The following TBX20 variants were observed in gnomAD, a reference collection of about 807,000 sequenced individuals.
TBX20 encodes the protein T-box transcription factor 20.
A neutral mutation model predicts 42.9 loss-of-function variants in TBX20; 8 were observed. The observed-to-expected ratio is 0.19, with a 90% CI of 0.11 to 0.34. The LOEUF (loss-of-function observed/expected upper bound fraction) is 0.34, where lower values mean the gene tolerates loss of function less well. Among genes scored for constraint, TBX20 ranks in the 10% least tolerant of loss-of-function variants. The probability of loss-of-function intolerance (pLI) is 1.00; values close to 1 mark genes in which losing one functional copy is unlikely to be tolerated. For missense variants in TBX20, 411 were observed against 566.0 expected, an observed-to-expected ratio of 0.73 and a Z score of 2.78; for synonymous variants, 198 against 222.8, an observed-to-expected ratio of 0.89 and a Z score of 0.99.
chr7:35,250,340 G>C (rs1000596882), intron 1 of TBX20, 137 bp from the exon 2 acceptor site: 1 of 1,060,338 alleles, frequency 9.4e-7, no homozygotes, highest in African/African-American at 1.6e-5. Context: ...AGGCTGTAGG[G>C]ATGACCCATC....
chr7:35,209,561 T>A (rs568880374), intron 6 of TBX20, among the ~76,000 whole-genome samples: 7 of 152,318 alleles, frequency 4.6e-5, no homozygotes, highest in Admixed American at 3.9e-4. Context: ...TTCCCTTATT[T>A]TCTTGGTCAG....
At chr7:35,226,651 A>G (rs1789776024) in intron 6 of TBX20, among the ~76,000 whole-genome samples, 2 of 152,176 alleles carry the variant, frequency 1.3e-5, no homozygotes, top group African/African-American at 4.8e-5. Flanking sequence ...CACATATATG[A>G]AAGTGGTCCC....
At chr7:35,237,508 T>G (rs1014090964) in intron 5 of TBX20, among the ~76,000 whole-genome samples, 13 of 152,010 alleles carry the variant, frequency 8.6e-5, no homozygotes, top group African/African-American at 3.1e-4. Flanking sequence ...TCAGGAGGCA[T>G]GCAACTTAGT....
intron 6 of TBX20, among the ~76,000 whole-genome samples, chr7:35,212,201 G>T (rs1386960236): frequency 1.3e-5 from 2 of 152,058 alleles, no homozygotes; most frequent in African/African-American, 4.8e-5. Flanking sequence ...GTGTCTATCT[G>T]CCACTAATCC....
At chr7:35,219,972 A>G (rs1448985704) in intron 6 of TBX20, among the ~76,000 whole-genome samples, 2 of 152,174 alleles carry the variant, frequency 1.3e-5, no homozygotes, top group African/African-American at 4.8e-5. Context: ...GACTCTTAGC[A>G]TGAATTTTGG....
At chr7:35,207,284 G>A (rs1341426446) in intron 6 of TBX20, among the ~76,000 whole-genome samples, 3 of 152,036 alleles carry the variant, frequency 2.0e-5, no homozygotes, top group East Asian at 3.9e-4. Context: ...ATCTTTTTCT[G>A]TGCTTATTTG....
intron 6 of TBX20, among the ~76,000 whole-genome samples, chr7:35,210,065 G>A (rs1166104289): frequency 6.6e-6 from 1 of 150,730 alleles, no homozygotes; most frequent in East Asian, 1.9e-4. Flanking sequence ...CTTTTGCGTA[G>A]TGTATACTTG....
chr7:35,226,238 G>A (rs937936441), intron 6 of TBX20, among the ~76,000 whole-genome samples: 29 of 151,986 alleles, frequency 1.9e-4, no homozygotes, highest in Middle Eastern at 3.4e-3. Context: ...ATCAAAGAAC[G>A]AGAGCAACAG....
chr7:35,206,328 A>G (rs2128709958), intron 6 of TBX20, among the ~76,000 whole-genome samples: 1 of 152,356 alleles, frequency 6.6e-6, no homozygotes, highest in East Asian at 1.9e-4. Flanking sequence ...CGGGTGGATC[A>G]CCCAAGGTCA....
chr7:35,232,495 G>A (rs577880558), intron 5 of TBX20, among the ~76,000 whole-genome samples: 1 of 152,278 alleles, frequency 6.6e-6, no homozygotes, highest in East Asian at 1.9e-4. Flanking sequence ...GGTCTTATCC[G>A]ACAGATAATC....
Position 35,253,851 on chromosome 7 carries a change from G to A in TBX20, c.-231C>T. The A allele has an allele frequency of 1.8e-6, 1 of 561,538 alleles. No individual in the cohort carries two copies. The highest frequency in any genetic ancestry group is 3.1e-6 in the Non-Finnish European group (1 of 321,860). 34.8% of individuals were successfully genotyped at this position (561,538 alleles called of 1,614,324 possible). On this transcript the variant is annotated 5_prime_UTR_variant, in exon 1 of 8. Coordinates refer to ENST00000408931, the MANE Select transcript of TBX20 (RefSeq NM_001077653.2). ...ACTTCGAAGGCAGCCGGAGAGGAGA[G>A]GGCCCACCGAGCACTACGGCGGGTG...
At chr7:35,231,966 G>A (rs192552362) in intron 5 of TBX20, among the ~76,000 whole-genome samples, 17 of 152,258 alleles carry the variant, frequency 1.1e-4, no homozygotes, top group Admixed American at 7.2e-4. Context: ...TTCCAGCATC[G>A]GTAGAGAATG....
intron 5 of TBX20, among the ~76,000 whole-genome samples, chr7:35,235,842 A>G (rs1318336994): frequency 6.6e-6 from 1 of 152,126 alleles, no homozygotes; most frequent in Non-Finnish European, 1.5e-5. Context: ...ATATCACTGG[A>G]CTCTGAATCC....
intron 6 of TBX20, among the ~76,000 whole-genome samples, chr7:35,212,930 C>G (rs1479375739): frequency 6.6e-6 from 1 of 152,094 alleles, no homozygotes; most frequent in Non-Finnish European, 1.5e-5. Flanking sequence ...AGTGCTTTTT[C>G]CATGCAGCTT....
chr7:35,217,042 T>C (rs540306579), intron 6 of TBX20, among the ~76,000 whole-genome samples: 1 of 152,194 alleles, frequency 6.6e-6, no homozygotes, highest in Admixed American at 6.5e-5. Context: ...GATAATACAA[T>C]TTAGGAGGTA....
chr7:35,203,290 G>A (rs1156431195), intron 7 of TBX20, among the ~76,000 whole-genome samples: 2 of 152,076 alleles, frequency 1.3e-5, no homozygotes, highest in African/African-American at 4.8e-5. Flanking sequence ...ACAGGGGTTA[G>A]AACAGCACGG....
At chr7:35,253,242 T>A (rs966849679) in intron 1 of TBX20, among the ~76,000 whole-genome samples, 2 of 152,276 alleles carry the variant, frequency 1.3e-5, no homozygotes, top group African/African-American at 4.8e-5. Context: ...ACACACCATA[T>A]GTCTGATCTG....
chr7:35,209,759 G>C (rs1789462118), intron 6 of TBX20, among the ~76,000 whole-genome samples: 1 of 152,020 alleles, frequency 6.6e-6, no homozygotes, highest in Admixed American at 6.5e-5. Context: ...TATTGATTTG[G>C]GACCTTTCAT....
At chr7:35,208,742 CAAAAAAAAAAAAAAAAAAAAAAA>C (rs766060288) in intron 6 of TBX20, among the ~76,000 whole-genome samples, 15 of 21,130 alleles carry the variant, frequency 7.1e-4, no homozygotes, top group Admixed American at 2.8e-3. Flanking sequence ...AACTCCGTCT[CAAAAAAAAAAAAAAAAAAAAAAA>C]AAAAAAAAAA....
Sources: allele counts gnomAD v4.1 joint callset (sites outside exome capture counted in the v4.1 genomes callset), GRCh38; gene constraint gnomAD v4.1.1; transcripts MANE v1.5; gene names NCBI Gene and HGNC (gene_info 2026-07-23, HGNC 2026-07-21).